The following FAT2 variants were observed in gnomAD, a reference collection of about 807,000 sequenced individuals.
FAT2 encodes the protein FAT atypical cadherin 2.
In FAT2, 150 loss-of-function variants were observed where a neutral mutation model predicts 295.3. That is an observed-to-expected ratio of 0.51 (90% confidence interval 0.44 to 0.58). The LOEUF (loss-of-function observed/expected upper bound fraction) is 0.58, where lower values mean the gene tolerates loss of function less well. Among genes scored for constraint, FAT2 ranks in the 20% least tolerant of loss-of-function variants. FAT2 has a pLI of 0.00. For missense variants in FAT2, 4,868 were observed against 5,442.7 expected (o/e 0.89, Z 3.32); for synonymous variants, 2,026 against 2,150.3 (o/e 0.94, Z 1.60).
In FAT2 at chr5:151,567,756, G is replaced by A. The variant is rs1276966272; in HGVS notation, c.1176C>T (p.Asn392=). ...AAGATGGCTTTAGAACATACTGCAG[G>A]TTGGGGAAGGCTGGGGTGACTCTCA... ...VMVRVTPAFP[N]LQYVLKPSSE... is the part of the protein sequence containing the mutation. The change falls in exon 2 of 24, where the codon AAC becomes AAT. Residue 392 remains asparagine (N), a synonymous_variant. Transcript: ENST00000261800. The A allele has an allele frequency of 1.2e-6, 2 of 1,614,200 alleles. No homozygotes were observed. The highest frequency in any genetic ancestry group is 8.5e-7 in the Non-Finnish European group (1 of 1,180,044).
chr5:151,514,308 TGTTGATCCCACC>T (rs1198437246), intron 20 of FAT2, among the ~76,000 whole-genome samples: 1 of 152,238 alleles, frequency 6.6e-6, no homozygotes, highest in Non-Finnish European at 1.5e-5. Flanking sequence ...ACCACAAATC[TGTTGATCCCACC>T]GTCTTTTCAT....
chr5:151,564,517 C>T (rs1758164041), intron 2 of FAT2, among the ~76,000 whole-genome samples: 1 of 152,206 alleles, frequency 6.6e-6, no homozygotes, highest in Admixed American at 6.5e-5. Context: ...GTTATTACAA[C>T]TTGGTTTTGG....
intron 19 of FAT2, among the ~76,000 whole-genome samples, chr5:151,520,699 G>C (rs1252559993): frequency 6.6e-6 from 1 of 152,204 alleles, no homozygotes; most frequent in East Asian, 1.9e-4. Flanking sequence ...AAAGCTCAGA[G>C]GGTTTTAACA....
rs1258713333 is a variant in FAT2, at chr5:151,505,330, G to C, written c.*235C>G. ...CTGGTTTTCCAGGGTCACTGCTCTA[G>C]AAATGCCCCTCTCCTGGGACCCTAG... On this transcript the variant is annotated 3_prime_UTR_variant, in exon 24 of 24. Coordinates refer to ENST00000261800, the MANE Select transcript of FAT2 (RefSeq NM_001447.3). 1 of 583,634 alleles carries C rather than the reference G, an allele frequency of 1.7e-6. No homozygotes were observed. The highest frequency in any genetic ancestry group is 1.9e-5 in the African/African-American group (1 of 53,340). 36.2% of individuals were successfully genotyped at this position (583,634 alleles called of 1,614,324 possible). A position where few individuals can be genotyped will look rare whatever the true frequency, so the allele number is the denominator to read the frequency against.
At chr5:151,579,383 G>T (rs1758860565) in intron 1 of FAT2, among the ~76,000 whole-genome samples, 1 of 152,042 alleles carries the variant, frequency 6.6e-6, no homozygotes, top group Admixed American at 6.6e-5. Flanking sequence ...ACCAGCTTAG[G>T]CAACATATCG....
chr5:151,507,255 G>A lies in FAT2; in HGVS notation c.12416C>T (p.Pro4139Leu). ...TCTGGGGGGCACACTGCAGACCACT[G>A]GCCGTTGCTTAGAATTGGGTCCAAA... Reference protein sequence around the residue: ...VTFGPNSKQRPVVCSVPPRLP... With the variant: ...VTFGPNSKQRLVVCSVPPRLP... Residue 4139 changes from proline (P) to leucine (L), a missense_variant, in exon 23 of 24, where the codon CCA (proline) becomes CTA (leucine). This residue lies in a region of FAT2 where 492 missense variants were observed against 482.6 expected (regional missense o/e 1.02). Transcript: ENST00000261800. 2 of 1,614,184 alleles carry A rather than the reference G, an allele frequency of 1.2e-6. No individual in the cohort carries two copies. The highest frequency in any genetic ancestry group is 1.7e-6 in the Non-Finnish European group (2 of 1,180,032).
rs1753012109 is a variant in FAT2, at chr5:151,517,752, C to A, written c.11331G>T (p.Arg3777Ser). 1.2e-6 allele frequency: 2 copies of A among 1,614,160 alleles called. No individual in the cohort carries two copies. The highest frequency in any genetic ancestry group is 4.5e-5 in the East Asian group (2 of 44,890). The change falls in exon 20 of 24, where the codon AGG becomes AGT. Residue 3777 changes from arginine to serine, a missense_variant. Arg to Ser is a moderately radical substitution (Grantham distance 110). Transcript: ENST00000261800. ...ACCGCACATAGCTCTGACCACTGAA[C>A]CTTGTAGCAGTACCTGAGAAAGCAA... ...RSCSCNGTAT[R>S]FSGQSYVRYR...
chr5:151,567,380 T>C lies in FAT2; in HGVS notation c.1552A>G (p.Lys518Glu). ...TTCATGAGTTCATAGTCCATGGGTT[T>C]GGAGGTGGAGATGATCCCCAGGTAG... ...DPYLGIISTS[K>E]PMDYELMKRI... is the part of the protein sequence containing the mutation. Residue 518 changes from lysine (K) to glutamate (E), a missense_variant, in exon 2 of 24, where the codon AAA becomes GAA. This residue lies in a region of FAT2 where 3,297 missense variants were observed against 3,669.4 expected (regional missense o/e 0.90). Transcript: ENST00000261800. 1 of 1,614,128 alleles carries C rather than the reference T, an allele frequency of 6.2e-7. No individual in the cohort carries two copies. The highest frequency in any genetic ancestry group is 8.5e-7 in the Non-Finnish European group (1 of 1,179,966).
At chr5:151,535,178 A>G (rs1319990834) in intron 12 of FAT2, among the ~76,000 whole-genome samples, 1 of 151,862 alleles carries the variant, frequency 6.6e-6, no homozygotes, top group Non-Finnish European at 1.5e-5. Flanking sequence ...TTATAAGTGT[A>G]TCTTGGTTTT....
intron 3 of FAT2, among the ~76,000 whole-genome samples, chr5:151,559,368 G>GTA (rs1757921333): frequency 6.6e-6 from 1 of 152,152 alleles, no homozygotes; most frequent in Non-Finnish European, 1.5e-5. Context: ...ACACACTCCT[G>GTA]TAGGACAGGA....
At chr5:151,563,969 C>G (rs10515649) in intron 2 of FAT2, among the ~76,000 whole-genome samples, 55,229 of 152,042 alleles carry the variant, frequency 0.36, 10,283 homozygotes, top group South Asian at 0.5. Context: ...TTCCATTGAT[C>G]TATTTCACAT....
In FAT2 at chr5:151,505,709, G is replaced by A. The variant is rs745985926; in HGVS notation, c.12906C>T (p.Leu4302=). ...CAGCATAAGAGGGCCCAGCTCGGCTGAGGCGCATACCCACCCCCTTGTAGC... is the reference window on the plus strand; with the variant it reads ...CAGCATAAGAGGGCCCAGCTCGGCTAAGGCGCATACCCACCCCCTTGTAGC... ...DGGYKGVGMR[L]SRAGPSYAVC... The change falls in exon 24 of 24, where the codon CTC becomes CTT. Residue 4302 remains leucine (L), a synonymous_variant. Transcript: ENST00000261800. 1.2e-5 allele frequency: 20 copies of A among 1,613,884 alleles called. No individual in the cohort carries two copies. The highest frequency in any genetic ancestry group is 1.6e-5 in the Non-Finnish European group (19 of 1,179,904).
At chr5:151,592,110 C>T (rs574368871), upstream of FAT2, among the ~76,000 whole-genome samples, 12 of 152,296 alleles carry the variant, frequency 7.9e-5, no homozygotes, top group South Asian at 4.1e-4. Context: ...GGGTGCAGGA[C>T]GCCTTGGCTT....
intron 1 of FAT2, among the ~76,000 whole-genome samples, chr5:151,580,236 T>G (rs1379177922): frequency 6.6e-6 from 1 of 152,214 alleles, no homozygotes; most frequent in Non-Finnish European, 1.5e-5. Flanking sequence ...CAAGGTCTTC[T>G]GCATTAGTCA....
rs375712674 is a variant in FAT2, at chr5:151,544,553, G to T, written c.6574C>A (p.His2192Asn). The T allele has an allele frequency of 4.3e-6, 7 of 1,613,896 alleles. No homozygotes were observed. The highest frequency in any genetic ancestry group is 1.6e-4 in the Middle Eastern group (1 of 6,084). The change falls in exon 10 of 24, where the codon CAC becomes AAC. Residue 2192 changes from histidine (H) to asparagine (N), a missense_variant. His to Asn is a moderately conservative substitution (Grantham distance 68). Coordinates refer to ENST00000261800, the MANE Select transcript of FAT2 (RefSeq NM_001447.3). ...ENITLYTPILHTQARSPEGLR... is the reference protein window; with the variant it reads ...ENITLYTPILNTQARSPEGLR... ...CCCTCTGGACTCCGGGCCTGGGTGT[G>T]GAGAATTGGGGTATAGAGGGTGATA...
chr5:151,524,567 G>A lies in FAT2; in HGVS notation c.10506+1201C>T, dbSNP rs535572244. Among the ~76,000 whole-genome samples the A allele has an allele frequency of 2.5e-4, 38 of 152,306 alleles. No homozygotes were observed. In the East Asian group the frequency reaches 7.1e-3, roughly 29 times the overall value. On this transcript the variant is annotated intron_variant, in intron 18 of 23. Coordinates refer to ENST00000261800, the MANE Select transcript of FAT2 (RefSeq NM_001447.3). ...TGGGAAATACATTTCTGTCCTTTAA[G>A]CCACCCAGCCTATGGTGTTCTGTTG...
intron 20 of FAT2, among the ~76,000 whole-genome samples, chr5:151,515,971 G>A (rs181563163): frequency 1.3e-5 from 2 of 152,212 alleles, no homozygotes; most frequent in African/African-American, 2.4e-5. Flanking sequence ...ATCCCATTAC[G>A]TCTCTGACCA....
chr5:151,523,635 G>C (rs1400486179), intron 18 of FAT2, among the ~76,000 whole-genome samples: 1 of 152,220 alleles, frequency 6.6e-6, no homozygotes, highest in South Asian at 2.1e-4. Flanking sequence ...GGCAGGACGT[G>C]TGCCTGGGTC....
chr5:151,568,091 T>C lies in FAT2; in HGVS notation c.841A>G (p.Ser281Gly), dbSNP rs1561877920. ...TYATVLVDANSSGAEVESVEV... is the reference protein window; with the variant it reads ...TYATVLVDANGSGAEVESVEV... ...ACTGACTCCACTTCAGCTCCTGAGC[T>C]ATTTGCATCGACCAGTACAGTGGCA... is the stretch of plus-strand genomic sequence containing the variant. Residue 281 changes from serine to glycine, a missense_variant, in exon 2 of 24, where the codon AGC becomes GGC. Coordinates refer to ENST00000261800, the MANE Select transcript of FAT2 (RefSeq NM_001447.3). The C allele has an allele frequency of 1.3e-5, 21 of 1,614,180 alleles. No individual in the cohort carries two copies. The highest frequency in any genetic ancestry group is 1.6e-5 in the Non-Finnish European group (19 of 1,180,042).
Sources: allele counts gnomAD v4.1 joint callset (sites outside exome capture counted in the v4.1 genomes callset), GRCh38; gene constraint gnomAD v4.1.1; regional missense constraint gnomAD v4.1.1; transcripts MANE v1.5; gene names NCBI Gene and HGNC (gene_info 2026-07-23, HGNC 2026-07-21).